USH2A: variants seen among roughly 807,000 people sequenced by gnomAD.
The protein encoded by USH2A is usherin.
Under a neutral mutation model 538.9 loss-of-function variants are expected in USH2A, and 443 were observed. The observed-to-expected ratio is 0.82, with a 90% CI of 0.76 to 0.89. The LOEUF is 0.89. Ranked by LOEUF, USH2A falls within the 40% of genes least tolerant of loss-of-function variation. The probability of loss-of-function intolerance (pLI) is 0.00; values close to 1 mark genes in which losing one functional copy is unlikely to be tolerated. For missense variants in USH2A, 6,633 were observed against 6,324.8 expected (o/e 1.05, Z -1.65); for synonymous variants, 2,413 against 2,273.5 (o/e 1.06, Z -1.75).
At chr1:215,797,484 A>T (rs1662179222) in intron 50 of USH2A, among the ~76,000 whole-genome samples, 1 of 152,116 alleles carries the variant, frequency 6.6e-6, no homozygotes, top group Admixed American at 6.5e-5. Flanking sequence ...AAAGTTTCAA[A>T]GGACAGGTTG....
chr1:215,628,285 CTTAT>C lies in USH2A; in HGVS notation c.15519+525_15519+528del, dbSNP rs1218964943. ...TATATGAAGTATAACCTGTTTGCTG[CTTAT>C]TTATTTATTTATTTTGAGATGGAGT... On this transcript the variant is annotated intron_variant, in intron 71 of 71. Transcript: ENST00000307340. Among the ~76,000 whole-genome samples the C allele has an allele frequency of 3.3e-5, 5 of 151,816 alleles. No homozygotes were observed. The East Asian group carries it at 5.8e-4, about 18-fold the overall frequency.
intron 4 of USH2A, among the ~76,000 whole-genome samples, chr1:216,328,556 C>T (rs1413822413): frequency 6.6e-6 from 1 of 151,694 alleles, no homozygotes; most frequent in African/African-American, 2.4e-5. Flanking sequence ...GACCATTTTC[C>T]CAATGTGTTT....
At chr1:215,882,875 A>G (rs113403262) in intron 41 of USH2A, among the ~76,000 whole-genome samples, 2,714 of 152,264 alleles carry the variant, frequency 0.018, 77 homozygotes, top group African/African-American at 0.06. Context: ...TAAAATTTGA[A>G]AATGTATGCA....
intron 61 of USH2A, among the ~76,000 whole-genome samples, chr1:215,704,262 A>G (rs560240757): frequency 2.2e-4 from 34 of 152,080 alleles, no homozygotes; most frequent in Admixed American, 5.9e-4. Flanking sequence ...CTATTTGGCC[A>G]TCTTGCCTGG....
chr1:216,414,466 T>C (rs1304900016), intron 3 of USH2A, among the ~76,000 whole-genome samples: 1 of 152,112 alleles, frequency 6.6e-6, no homozygotes, highest in East Asian at 1.9e-4. Flanking sequence ...TTGGTATGTC[T>C]GGATTTCCTG....
At chr1:216,044,976 T>G (rs2030450338) in intron 32 of USH2A, among the ~76,000 whole-genome samples, 1 of 152,166 alleles carries the variant, frequency 6.6e-6, no homozygotes, top group Non-Finnish European at 1.5e-5. Flanking sequence ...AGAATGCAAC[T>G]GGATGAATAC....
At chr1:216,404,883 C>A (rs1012506708) in intron 3 of USH2A, among the ~76,000 whole-genome samples, 1 of 151,584 alleles carries the variant, frequency 6.6e-6, no homozygotes, top group African/African-American at 2.4e-5. Flanking sequence ...CTCAGCCTCC[C>A]CCATAGGTGG....
intron 37 of USH2A, among the ~76,000 whole-genome samples, chr1:215,961,569 A>G (rs1667202566): frequency 6.6e-6 from 1 of 151,584 alleles, no homozygotes; most frequent in Non-Finnish European, 1.5e-5. Context: ...TGAAATAATA[A>G]GTAGGAAATT....
chr1:216,077,863 T>C (rs1049319037), intron 27 of USH2A, among the ~76,000 whole-genome samples: 1 of 151,834 alleles, frequency 6.6e-6, no homozygotes, highest in African/African-American at 2.4e-5. Flanking sequence ...CATATTGAAA[T>C]AAATATGCTG....
chr1:216,307,154 G>A (rs1301490263), intron 9 of USH2A, among the ~76,000 whole-genome samples: 4 of 152,070 alleles, frequency 2.6e-5, no homozygotes, highest in African/African-American at 4.8e-5. Flanking sequence ...CCTTTGTCTG[G>A]CTACGAGGGC....
At chr1:215,868,052 C>G (rs1179113026) in intron 43 of USH2A, among the ~76,000 whole-genome samples, 1 of 152,100 alleles carries the variant, frequency 6.6e-6, no homozygotes, top group African/African-American at 2.4e-5. Flanking sequence ...CAACACACGA[C>G]CATCCCAGAG....
chr1:215,622,917 G>C lies in USH2A; in HGVS notation c.*2864C>G, dbSNP rs1046492068. ...TAGGTCACATTCAAATATTTATTAA[G>C]CAAACCATCTTTAGATTAGTTTACA... On this transcript the variant is annotated 3_prime_UTR_variant, in exon 72 of 72. Transcript: ENST00000307340. 6.6e-6 allele frequency: 1 copy of C among 152,098 alleles called. No homozygotes were observed. The highest frequency in any genetic ancestry group is 1.9e-4 in the East Asian group (1 of 5,178). 9.4% of individuals were successfully genotyped at this position (152,098 alleles called of 1,614,324 possible). A position where few individuals can be genotyped will look rare whatever the true frequency, so the allele number is the denominator to read the frequency against.
intron 3 of USH2A, among the ~76,000 whole-genome samples, chr1:216,387,160 G>T (rs1323200624): frequency 6.6e-6 from 1 of 152,196 alleles, no homozygotes; most frequent in Non-Finnish European, 1.5e-5. Context: ...AAATAGAAAA[G>T]TGAAGAAATA....
intron 4 of USH2A, among the ~76,000 whole-genome samples, chr1:216,335,485 C>T (rs1363353947): frequency 6.6e-6 from 1 of 151,256 alleles, no homozygotes; most frequent in Non-Finnish European, 1.5e-5. Flanking sequence ...AGAAAAACAA[C>T]AAAAGTTGAT....
intron 37 of USH2A, among the ~76,000 whole-genome samples, chr1:215,952,370 C>T (rs554254350): frequency 6.6e-6 from 1 of 152,288 alleles, no homozygotes; most frequent in East Asian, 1.9e-4. Context: ...GAGCATTTAG[C>T]CCATTTACAT....
At chr1:216,390,432 T>C (rs2039085824) in intron 3 of USH2A, among the ~76,000 whole-genome samples, 1 of 152,200 alleles carries the variant, frequency 6.6e-6, no homozygotes. Context: ...ATCCATACCA[T>C]AATTGCACCT....
intron 63 of USH2A, 136 bp from the exon 64 acceptor site, chr1:215,671,429 C>T: frequency 1.0e-6 from 1 of 997,850 alleles, no homozygotes; most frequent in Non-Finnish European, 1.5e-6. Flanking sequence ...TTAAGAATAA[C>T]AAAGTTGAGA....
chr1:215,896,916 C>T (rs1401736136), intron 40 of USH2A, among the ~76,000 whole-genome samples: 1 of 152,078 alleles, frequency 6.6e-6, no homozygotes, highest in African/African-American at 2.4e-5. Context: ...TTGGCTGGAA[C>T]AAACATCTTT....
intron 14 of USH2A, among the ~76,000 whole-genome samples, chr1:216,218,733 T>TC (rs2035393029): frequency 6.6e-6 from 1 of 152,028 alleles, no homozygotes; most frequent in Non-Finnish European, 1.5e-5. Flanking sequence ...AAGGACATTT[T>TC]CCCCCTTCAA....
Sources: gnomAD v4.1 joint callset for allele counts (sites outside exome capture counted in the v4.1 genomes callset) on GRCh38, gnomAD v4.1.1 for gene constraint, MANE v1.5 for transcripts, NCBI Gene and HGNC (gene_info 2026-07-23, HGNC 2026-07-21) for gene names.